UNC13C: variants seen among roughly 807,000 people sequenced by gnomAD.
UNC13C encodes protein unc-13 homolog C.
In UNC13C, 174 loss-of-function variants were observed where a neutral mutation model predicts 245.4. The observed-to-expected ratio is 0.71, with a 90% confidence interval of 0.63 to 0.80. The LOEUF is 0.80. UNC13C is among the 30% of genes least tolerant of loss of function. The pLI is 0.00. For missense variants in UNC13C, 2,829 were observed against 2,602.9 expected, an observed-to-expected ratio of 1.09 and a Z score of -1.89; for synonymous variants, 992 against 895.1, an observed-to-expected ratio of 1.11 and a Z score of -1.93.
At chr15:54,425,477 A>G (rs904060984) in intron 19 of UNC13C, among the ~76,000 whole-genome samples, 15 of 151,872 alleles carry the variant, frequency 9.9e-5, no homozygotes, top group Admixed American at 7.9e-4. Flanking sequence ...ACTTACATGG[A>G]CAACCAGGCA....
At chr15:54,417,533 G>C (rs2040547586) in intron 19 of UNC13C, among the ~76,000 whole-genome samples, 1 of 152,144 alleles carries the variant, frequency 6.6e-6, no homozygotes, top group African/African-American at 2.4e-5. Flanking sequence ...ATGTCTTAGA[G>C]TAAATTTAAC....
At chr15:54,612,290 C>CCTTA (rs34393051) in intron 30 of UNC13C, among the ~76,000 whole-genome samples, 110,877 of 151,370 alleles carry the variant, frequency 0.73, 41,671 homozygotes, top group African/African-American at 0.92. Context: ...ATGCTAGATA[C>CCTTA]CTTAAAGGTG....
intron 17 of UNC13C, among the ~76,000 whole-genome samples, chr15:54,354,604 C>T (rs922506731): frequency 1.3e-5 from 2 of 152,120 alleles, no homozygotes; most frequent in African/African-American, 4.8e-5. Flanking sequence ...TGGAAATGTA[C>T]TTCATTGTGC....
chr15:54,209,673 CA>C, intron 4 of UNC13C, among the ~76,000 whole-genome samples: 1 of 152,214 alleles, frequency 6.6e-6, no homozygotes, highest in East Asian at 1.9e-4. Flanking sequence ...CCTGGCCTCC[CA>C]AAGTGCTGAG....
chr15:54,414,824 T>G (rs1410960913), intron 18 of UNC13C, among the ~76,000 whole-genome samples, 158 bp from the exon 19 acceptor site: 1 of 152,056 alleles, frequency 6.6e-6, no homozygotes, highest in Non-Finnish European at 1.5e-5. Context: ...GTGTAACATT[T>G]TTTTTTTTAC....
In UNC13C at chr15:54,177,741, T is replaced by C. The variant is rs181319169; in HGVS notation, c.3071+34057T>C. ...TACTCAGTCTCCTGTTGTTATATAA[T>C]ATATAGCTACTACTACCTATCTATA... On this transcript the variant is annotated intron_variant, in intron 4 of 32. Coordinates refer to ENST00000260323, the MANE Select transcript of UNC13C (RefSeq NM_001080534.3). Among the ~76,000 whole-genome samples the C allele has an allele frequency of 1.8e-3, 267 of 152,250 alleles. 1 individual carries two copies. The highest frequency in any genetic ancestry group is 6.3e-3 in the African/African-American group (263 of 41,554).
At chr15:54,478,065 C>T (rs1014027348) in intron 19 of UNC13C, among the ~76,000 whole-genome samples, 5 of 151,586 alleles carry the variant, frequency 3.3e-5, no homozygotes, top group African/African-American at 7.3e-5. Flanking sequence ...GGAATTTATC[C>T]GTGTCTTCTA....
intron 10 of UNC13C, among the ~76,000 whole-genome samples, chr15:54,273,854 C>T (rs1049550727): frequency 9.9e-5 from 15 of 152,186 alleles, no homozygotes; most frequent in Admixed American, 4.6e-4. Flanking sequence ...AAGATCAACA[C>T]GCTAGTACTG....
intron 4 of UNC13C, among the ~76,000 whole-genome samples, chr15:54,214,809 C>T (rs2034989221): frequency 6.6e-6 from 1 of 151,786 alleles, no homozygotes; most frequent in Admixed American, 6.6e-5. Context: ...CAAAAATTAG[C>T]TTCAAATCAA....
At chr15:54,107,757 T>G (rs1900519142) in intron 2 of UNC13C, among the ~76,000 whole-genome samples, 1 of 152,206 alleles carries the variant, frequency 6.6e-6, no homozygotes, top group African/African-American at 2.4e-5. Context: ...CCCATTACTT[T>G]AGGGTGGTTT....
intron 2 of UNC13C, among the ~76,000 whole-genome samples, chr15:54,032,267 G>A (rs1450792707): frequency 1.3e-5 from 2 of 152,210 alleles, no homozygotes; most frequent in Non-Finnish European, 2.9e-5. Context: ...ATAGCAATTT[G>A]TGTGGAAGGA....
upstream of UNC13C, among the ~76,000 whole-genome samples, chr15:53,976,473 CTCTCTT>C (rs1456431886): frequency 4.4e-4 from 12 of 27,518 alleles, no homozygotes; most frequent in African/African-American, 6.7e-4. Flanking sequence ...CTCTCTCTCT[CTCTCTT>C]TTTTTTTTTT....
intron 19 of UNC13C, among the ~76,000 whole-genome samples, chr15:54,482,717 A>G (rs1893192619): frequency 6.7e-6 from 1 of 149,186 alleles, no homozygotes; most frequent in African/African-American, 2.5e-5. Context: ...CCTCTAGTTT[A>G]CCCATCTTGA....
chr15:54,365,762 G>GAAAAAAAAAAAAAAAA (rs796539719), intron 17 of UNC13C, among the ~76,000 whole-genome samples: 5 of 134,008 alleles, frequency 3.7e-5, no homozygotes, highest in African/African-American at 1.3e-4. Context: ...AAGAAAAAAA[G>GAAAAAAAAAAAAAAAA]AAAAAAAAAA....
intron 10 of UNC13C, among the ~76,000 whole-genome samples, chr15:54,274,913 G>A (rs1486177584): frequency 1.3e-5 from 2 of 151,922 alleles, no homozygotes; most frequent in South Asian, 2.1e-4. Flanking sequence ...CTTGTGATCC[G>A]CCTGCCTCGG....
intron 2 of UNC13C, among the ~76,000 whole-genome samples, chr15:54,041,346 T>G (rs1225549630): frequency 5.9e-5 from 9 of 152,224 alleles, no homozygotes; most frequent in Non-Finnish European, 1.2e-4. Flanking sequence ...ATTTTCTTTT[T>G]GTGATTATAA....
At chr15:53,901,528 T>C in the UNC13C span, among the ~76,000 whole-genome samples, 1 of 152,226 alleles carries the variant, frequency 6.6e-6, no homozygotes, top group South Asian at 2.1e-4. Context: ...GACCAGCTGA[T>C]AGATCTCTAT....
intron 2 of UNC13C, among the ~76,000 whole-genome samples, chr15:54,129,878 C>A (rs1282159645): frequency 8.1e-6 from 1 of 122,868 alleles, no homozygotes; most frequent in African/African-American, 3.1e-5. Flanking sequence ...CATAAGTTTA[C>A]GTTATTGTCT....
chr15:53,964,349 T>C, the UNC13C span, among the ~76,000 whole-genome samples: 1 of 152,184 alleles, frequency 6.6e-6, no homozygotes, highest in Admixed American at 6.6e-5. Flanking sequence ...TCCTGAATAC[T>C]GTATGGAAGT....
Sources: allele counts gnomAD v4.1 joint callset (sites outside exome capture counted in the v4.1 genomes callset), GRCh38; gene constraint gnomAD v4.1.1; transcripts MANE v1.5; gene names NCBI Gene and HGNC (gene_info 2026-07-23, HGNC 2026-07-21).